The following MTMR3 variants were observed in gnomAD, a reference collection of about 807,000 sequenced individuals.
MTMR3 encodes the protein phosphatidylinositol-3,5-bisphosphate 3-phosphatase MTMR3.
MTMR3 carries 32 observed loss-of-function variants against 132.4 expected under a neutral mutation model. That is an observed-to-expected ratio of 0.24 (90% CI 0.18 to 0.32). The LOEUF is 0.32. Among genes scored for constraint, MTMR3 ranks in the 10% least tolerant of loss-of-function variants. The pLI, the probability that MTMR3 is intolerant of heterozygous loss-of-function variation, is 1.00. For synonymous variants in MTMR3, 556 were observed against 550.3 expected (o/e 1.01, Z -0.14); for missense variants, 1,216 against 1,489.6 (o/e 0.82, Z 3.02).
Position 29,988,575 on chromosome 22 carries a change from G to A in MTMR3, c.293+13G>A, listed in dbSNP as rs374283369. 2.8e-4 allele frequency: 436 copies of A among 1,579,500 alleles called. No homozygotes were observed. Among genetic ancestry groups the A allele is most frequent in the Non-Finnish European group, 3.5e-4 (402 of 1,156,876 alleles). On this transcript the variant is annotated intron_variant, in intron 6 of 19. Transcript: ENST00000401950. Reference sequence around the variant, plus strand: ...GCAAAGTTATCAGGTATGTGGTATGGTATGTTTGTGTTGCTGTTTAGTGTG... The same window carrying A: ...GCAAAGTTATCAGGTATGTGGTATGATATGTTTGTGTTGCTGTTTAGTGTG...
At chr22:30,013,654 A>T in intron 14 of MTMR3, 113 bp downstream of exon 14, 3 of 1,007,510 alleles carry the variant, frequency 3.0e-6, no homozygotes, top group Non-Finnish European at 2.8e-6. Context: ...AATAGAGGTG[A>T]TTTTTTTCCT....
intron 1 of MTMR3, among the ~76,000 whole-genome samples, chr22:29,920,085 G>A (rs958350275): frequency 3.3e-5 from 5 of 151,778 alleles, no homozygotes; most frequent in African/African-American, 7.3e-5. Flanking sequence ...ATGTTGGCAC[G>A]TGCCTGTAGT....
intron 1 of MTMR3, among the ~76,000 whole-genome samples, chr22:29,894,925 A>C (rs1329791782): frequency 6.6e-6 from 1 of 152,204 alleles, no homozygotes; most frequent in African/African-American, 2.4e-5. Flanking sequence ...TTAAAGAGTA[A>C]GATTAGGCTG....
intron 7 of MTMR3, 74 bp from the exon 8 acceptor site, chr22:29,998,683 ATTTC>A: frequency 1.2e-6 from 1 of 861,066 alleles, no homozygotes; most frequent in Non-Finnish European, 1.8e-6. Context: ...ACATATGTAT[ATTTC>A]TTTGTTTTTA....
intron 1 of MTMR3, among the ~76,000 whole-genome samples, chr22:29,956,675 T>C (rs2066198188): frequency 1.3e-5 from 2 of 152,330 alleles, no homozygotes; most frequent in East Asian, 3.9e-4. Context: ...GTCTGTGATC[T>C]TTTTAGTTTT....
At chr22:29,980,871 A>G (rs2066727566) in intron 5 of MTMR3, 1 of 152,254 alleles carries the variant, frequency 6.6e-6, no homozygotes, top group Admixed American at 6.5e-5. Context: ...TTAGCATGAC[A>G]TGAAGCTGTC....
chr22:30,026,334 C>T lies in MTMR3; in HGVS notation c.*533C>T, dbSNP rs1304826404. ...GCACTGCCCTGGGCATCATCTCCCT[C>T]CTGCGAGGAGCTGAGCCAGTCCCCT... On this transcript the variant is annotated 3_prime_UTR_variant, in exon 20 of 20. Coordinates refer to ENST00000401950, the MANE Select transcript of MTMR3 (RefSeq NM_021090.4). 1 of 155,274 alleles carries T rather than the reference C, an allele frequency of 6.4e-6. No individual in the cohort carries two copies. Among genetic ancestry groups the T allele is most frequent in the Admixed American group, 6.3e-5 (1 of 15,830 alleles). 9.6% of individuals were successfully genotyped at this position (155,274 alleles called of 1,614,324 possible).
intron 3 of MTMR3, among the ~76,000 whole-genome samples, chr22:29,976,251 C>T (rs1427416456): frequency 6.6e-6 from 1 of 151,590 alleles, no homozygotes; most frequent in African/African-American, 2.4e-5. Context: ...TGCACAAAAG[C>T]TTTATTATTG....
intron 1 of MTMR3, among the ~76,000 whole-genome samples, chr22:29,892,513 C>G (rs1473728399): frequency 6.6e-6 from 1 of 152,106 alleles, no homozygotes; most frequent in African/African-American, 2.4e-5. Context: ...TTGGATTAGC[C>G]TGAGCCTATA....
chr22:29,933,401 G>A (rs1375078787), intron 1 of MTMR3, among the ~76,000 whole-genome samples: 1 of 151,776 alleles, frequency 6.6e-6, no homozygotes, highest in Non-Finnish European at 1.5e-5. Context: ...TTATATCCAA[G>A]TTCTTGGATA....
chr22:29,921,083 A>T (rs1346819916), intron 1 of MTMR3, among the ~76,000 whole-genome samples: 1 of 152,044 alleles, frequency 6.6e-6, no homozygotes, highest in Non-Finnish European at 1.5e-5. Context: ...GTGAAGGAAT[A>T]CCCAAGGCTG....
chr22:29,933,733 G>GT (rs758195736), intron 1 of MTMR3, among the ~76,000 whole-genome samples: 25,642 of 124,080 alleles, frequency 0.21, 2,624 homozygotes, highest in Non-Finnish European at 0.22. Flanking sequence ...GCAGTTCTGT[G>GT]TTTTTTTTTT....
In MTMR3 at chr22:30,026,340, A is replaced by C. The variant is rs2067910942; in HGVS notation, c.*539A>C. Reference sequence around the variant, plus strand: ...CCCTGGGCATCATCTCCCTCCTGCGAGGAGCTGAGCCAGTCCCCTCACAGA... The same window carrying C: ...CCCTGGGCATCATCTCCCTCCTGCGCGGAGCTGAGCCAGTCCCCTCACAGA... On this transcript the variant is annotated 3_prime_UTR_variant, in exon 20 of 20. Transcript: ENST00000401950. 1 of 155,174 alleles carries C rather than the reference A, an allele frequency of 6.4e-6. No homozygotes were observed. Among genetic ancestry groups the C allele is most frequent in the South Asian group, 2.0e-4 (1 of 5,038 alleles). 9.6% of individuals were successfully genotyped at this position (155,174 alleles called of 1,614,324 possible).
At chr22:30,016,252 G>A (rs1314915946) in intron 14 of MTMR3, 5 of 373,616 alleles carry the variant, frequency 1.3e-5, no homozygotes, top group Admixed American at 1.3e-4. Context: ...ATGCTGTGGC[G>A]CTTGTGAGAG....
rs151332365 is a variant in MTMR3 at position 29,977,419 on chromosome 22, A to G, written c.4-1023A>G. 4.5e-3 allele frequency among the ~76,000 whole-genome samples: 681 copies of G among 152,312 alleles called. 6 individuals are homozygous for G. The highest frequency in any genetic ancestry group is 0.015 in the African/African-American group (644 of 41,558). On this transcript the variant is annotated intron_variant, in intron 3 of 19. Coordinates refer to ENST00000401950, the MANE Select transcript of MTMR3 (RefSeq NM_021090.4). ...TGCAAAATATTACTTTTTAATACAAATTGTAATTTACATGTCATCTAGATG... is the reference window on the plus strand; with the variant it reads ...TGCAAAATATTACTTTTTAATACAAGTTGTAATTTACATGTCATCTAGATG...
At chr22:29,978,304 AT>A (rs1338835500) in intron 3 of MTMR3, 137 bp from the exon 4 acceptor site, 1 of 574,932 alleles carries the variant, frequency 1.7e-6, no homozygotes, top group Non-Finnish European at 3.1e-6. Context: ...TAAGATCAAT[AT>A]TGTTTCCTTG....
chr22:29,949,126 CACACACACA>C (rs2066010200), intron 1 of MTMR3, among the ~76,000 whole-genome samples: 6 of 40,166 alleles, frequency 1.5e-4, no homozygotes, highest in African/African-American at 5.9e-4. Flanking sequence ...CACACACACA[CACACACACA>C]CACACACACC....
chr22:29,905,500 C>T (rs1262948446), intron 1 of MTMR3, among the ~76,000 whole-genome samples: 1 of 152,114 alleles, frequency 6.6e-6, no homozygotes, highest in East Asian at 1.9e-4. Flanking sequence ...CATAGTTGAG[C>T]CCTTTTACCA....
intron 1 of MTMR3, among the ~76,000 whole-genome samples, 178 bp from the exon 2 acceptor site, chr22:29,956,858 G>A (rs1343291601): frequency 1.3e-5 from 2 of 152,066 alleles, no homozygotes; most frequent in African/African-American, 4.8e-5. Flanking sequence ...TCTGTTCTGT[G>A]CAGTTATAAA....
Sources: gnomAD v4.1 joint callset for allele counts (sites outside exome capture counted in the v4.1 genomes callset) on GRCh38, gnomAD v4.1.1 for gene constraint, MANE v1.5 for transcripts, NCBI Gene and HGNC (gene_info 2026-07-23, HGNC 2026-07-21) for gene names.